The following MAF variants were observed in gnomAD, a reference collection of about 807,000 sequenced individuals.
The protein encoded by MAF is MAF bZIP transcription factor.
A neutral mutation model predicts 22.0 loss-of-function variants in MAF; 10 were observed. The observed-to-expected ratio is 0.45, with a 90% CI of 0.28 to 0.77. MAF has a LOEUF of 0.77. Among genes scored for constraint, MAF ranks in the 30% least tolerant of loss-of-function variants. The probability of loss-of-function intolerance (pLI) is 0.12; values close to 1 mark genes in which losing one functional copy is unlikely to be tolerated. For missense variants in MAF, 544 were observed against 548.4 expected (o/e 0.99, Z 0.08); for synonymous variants, 337 against 255.8 (o/e 1.32, Z -3.03).
chr16:79,597,502 A>G, intron 1 of MAF: 1 of 1,024,790 alleles, frequency 9.8e-7, no homozygotes, highest in Non-Finnish European at 1.2e-6. Context: ...AAACATTAAG[A>G]GTTCTTCAAT....
the MAF span, among the ~76,000 whole-genome samples, chr16:79,539,347 A>C: frequency 1.3e-5 from 2 of 152,168 alleles, no homozygotes; most frequent in African/African-American, 2.4e-5. Context: ...TGCTAAAATT[A>C]CAGAAATTGG....
At chr16:79,367,218 C>T in the MAF span, among the ~76,000 whole-genome samples, 18 of 152,146 alleles carry the variant, frequency 1.2e-4, no homozygotes, top group African/African-American at 4.1e-4. Context: ...GGGTGCTTGA[C>T]TTTGCTGAAC....
At chr16:79,437,082 A>G in the MAF span, among the ~76,000 whole-genome samples, 1 of 152,164 alleles carries the variant, frequency 6.6e-6, no homozygotes, top group Non-Finnish European at 1.5e-5. Flanking sequence ...TAACCTCGGC[A>G]TCTGCCCTGC....
At chr16:79,481,257 T>C in the MAF span, among the ~76,000 whole-genome samples, 1 of 152,098 alleles carries the variant, frequency 6.6e-6, no homozygotes, top group South Asian at 2.1e-4. Context: ...AACACTGTTA[T>C]TGAGATACAA....
At chr16:79,376,537 T>A in the MAF span, among the ~76,000 whole-genome samples, 232 of 152,298 alleles carry the variant, frequency 1.5e-3, 4 homozygotes, top group African/African-American at 5.3e-3. Context: ...TTTCTTTTTT[T>A]AAATTATACT....
chr16:79,243,106 C>G, the MAF span, among the ~76,000 whole-genome samples: 2 of 151,896 alleles, frequency 1.3e-5, no homozygotes, highest in Non-Finnish European at 2.9e-5. Flanking sequence ...AAGAAAGGAT[C>G]TAAAATCGAC....
the MAF span, among the ~76,000 whole-genome samples, chr16:79,580,651 G>C: frequency 5.3e-5 from 8 of 151,984 alleles, no homozygotes; most frequent in South Asian, 4.2e-4. Context: ...CCAGCTCCAC[G>C]GCTTAGAGAA....
At chr16:79,517,045 G>T in the MAF span, among the ~76,000 whole-genome samples, 1 of 152,004 alleles carries the variant, frequency 6.6e-6, no homozygotes, top group Admixed American at 6.5e-5. Flanking sequence ...TTTTCTCCAG[G>T]ACCATAGCAC....
the MAF span, among the ~76,000 whole-genome samples, chr16:79,475,770 G>A: frequency 1.3e-5 from 2 of 152,148 alleles, no homozygotes; most frequent in Non-Finnish European, 1.5e-5. Flanking sequence ...AGCAAGAATG[G>A]CAGAATGACA....
At chr16:79,296,328 A>G in the MAF span, among the ~76,000 whole-genome samples, 35 of 152,288 alleles carry the variant, frequency 2.3e-4, no homozygotes, top group African/African-American at 6.3e-4. Flanking sequence ...ATGAGAATAC[A>G]TGGACACAGG....
the MAF span, among the ~76,000 whole-genome samples, chr16:79,377,809 G>C: frequency 5.3e-5 from 8 of 152,102 alleles, no homozygotes; most frequent in African/African-American, 1.7e-4. Flanking sequence ...TCTTGTTTTT[G>C]TCAGGTTTGT....
the MAF span, among the ~76,000 whole-genome samples, chr16:79,554,733 G>A: frequency 6.6e-6 from 1 of 152,094 alleles, no homozygotes; most frequent in Non-Finnish European, 1.5e-5. Context: ...TGACCTTCGG[G>A]GAAGCTCCCA....
At chr16:79,235,004 C>G in the MAF span, among the ~76,000 whole-genome samples, 1 of 152,134 alleles carries the variant, frequency 6.6e-6, no homozygotes, top group Non-Finnish European at 1.5e-5. Flanking sequence ...ATCCAGTAGC[C>G]ACGGACTTAA....
chr16:79,424,516 A>G, the MAF span, among the ~76,000 whole-genome samples: 254 of 152,338 alleles, frequency 1.7e-3, 4 homozygotes, highest in African/African-American at 5.8e-3. Flanking sequence ...GCATTGGTAT[A>G]AGAACAGATA....
the MAF span, among the ~76,000 whole-genome samples, chr16:79,248,288 T>A: frequency 0.12 from 18,181 of 152,140 alleles, 1,329 homozygotes; most frequent in Middle Eastern, 0.18. Flanking sequence ...CTTTTTGGAA[T>A]AAAGCAATTT....
the MAF span, among the ~76,000 whole-genome samples, chr16:79,347,737 G>A: frequency 6.6e-6 from 1 of 152,114 alleles, no homozygotes; most frequent in Non-Finnish European, 1.5e-5. Context: ...CCAGCTCTGT[G>A]GCACAACCCG....
At chr16:79,564,578 C>T in the MAF span, among the ~76,000 whole-genome samples, 14,596 of 152,246 alleles carry the variant, frequency 0.096, 765 homozygotes, top group Middle Eastern at 0.16. Flanking sequence ...TCACCCACAG[C>T]GCCTTCTTTT....
chr16:79,363,968 G>A, the MAF span, among the ~76,000 whole-genome samples: 1 of 152,164 alleles, frequency 6.6e-6, no homozygotes, highest in South Asian at 2.1e-4. Context: ...GACCTCTTCT[G>A]TGCAGTTCCC....
chr16:79,281,166 A>G, the MAF span, among the ~76,000 whole-genome samples: 1 of 151,974 alleles, frequency 6.6e-6, no homozygotes, highest in Non-Finnish European at 1.5e-5. Flanking sequence ...GTTGGACGGA[A>G]GATGTGCACA....
Sources: gnomAD v4.1 joint callset for allele counts (sites outside exome capture counted in the v4.1 genomes callset) on GRCh38, gnomAD v4.1.1 for gene constraint, MANE v1.5 for transcripts, NCBI Gene and HGNC (gene_info 2026-07-23, HGNC 2026-07-21) for gene names.